The following EPHB1 variants were observed in gnomAD, a reference collection of about 807,000 sequenced individuals.
EPHB1 encodes ephrin type-B receptor 1.
In EPHB1, 30 loss-of-function variants were observed where a neutral mutation model predicts 94.4. The ratio of observed to expected loss-of-function variants is 0.32; its 90% CI spans 0.24 to 0.43. The LOEUF (loss-of-function observed/expected upper bound fraction) is 0.43, where lower values mean the gene tolerates loss of function less well. EPHB1 is among the 20% of genes least tolerant of loss of function. EPHB1 has a pLI of 1.00. For missense variants in EPHB1, 1,055 were observed against 1,308.3 expected, an observed-to-expected ratio of 0.81 and a Z score of 2.99; for synonymous variants, 522 against 489.1, an observed-to-expected ratio of 1.07 and a Z score of -0.89.
intron 7 of EPHB1, 124 bp from the exon 8 acceptor site, chr3:135,165,844 T>G (rs1167985509): frequency 1.6e-6 from 1 of 633,512 alleles, no homozygotes; most frequent in Non-Finnish European, 2.7e-6. Context: ...CTTACAACTC[T>G]GACACATAGA....
chr3:135,071,645 A>G (rs1937714322), intron 3 of EPHB1, among the ~76,000 whole-genome samples: 3 of 152,104 alleles, frequency 2.0e-5, no homozygotes, highest in Non-Finnish European at 4.4e-5. Context: ...ACCTCCCCTT[A>G]GTGCTTTATT....
intron 1 of EPHB1, among the ~76,000 whole-genome samples, chr3:134,892,999 C>A (rs1222868365): frequency 6.6e-6 from 1 of 152,180 alleles, no homozygotes; most frequent in East Asian, 1.9e-4. Context: ...CACATGCTCA[C>A]ACACACGGTA....
At chr3:134,820,716 C>T (rs1399144804) in intron 1 of EPHB1, among the ~76,000 whole-genome samples, 1 of 152,094 alleles carries the variant, frequency 6.6e-6, no homozygotes, top group African/African-American at 2.4e-5. Flanking sequence ...CCACTCGGCC[C>T]CAGGCTGCTT....
intron 3 of EPHB1, among the ~76,000 whole-genome samples, chr3:134,971,311 C>T (rs1429886155): frequency 1.3e-5 from 2 of 152,188 alleles, no homozygotes; most frequent in Non-Finnish European, 2.9e-5. Flanking sequence ...TTCATTCTGA[C>T]CCTACCCTGA....
intron 5 of EPHB1, among the ~76,000 whole-genome samples, chr3:135,148,984 T>C (rs1039769476): frequency 1.3e-5 from 2 of 152,246 alleles, no homozygotes; most frequent in African/African-American, 4.8e-5. Context: ...CTGATGACAC[T>C]CTTCTTTGCT....
chr3:134,812,919 TC>T (rs1412098670), intron 1 of EPHB1, among the ~76,000 whole-genome samples: 3 of 152,240 alleles, frequency 2.0e-5, no homozygotes, highest in Non-Finnish European at 4.4e-5. Flanking sequence ...TAGATATTTG[TC>T]CATTTTTTTT....
intron 10 of EPHB1, among the ~76,000 whole-genome samples, chr3:135,189,008 A>G (rs568475457): frequency 1.1e-3 from 171 of 152,330 alleles, no homozygotes; most frequent in African/African-American, 3.9e-3. Flanking sequence ...GCCCTACCCA[A>G]AGAAGGCATG....
At chr3:135,177,926 C>T (rs1406893383) in intron 9 of EPHB1, among the ~76,000 whole-genome samples, 9 of 152,196 alleles carry the variant, frequency 5.9e-5, no homozygotes, top group Admixed American at 3.9e-4. Flanking sequence ...TTCCTACACA[C>T]GCACATCCCT....
At chr3:135,126,307 G>T (rs1037943686) in intron 4 of EPHB1, among the ~76,000 whole-genome samples, 4 of 152,136 alleles carry the variant, frequency 2.6e-5, no homozygotes, top group Non-Finnish European at 4.4e-5. Flanking sequence ...TAGGAGTCTT[G>T]AGTATCAAGT....
chr3:134,939,482 G>A (rs1042138116), intron 2 of EPHB1, among the ~76,000 whole-genome samples: 1 of 152,206 alleles, frequency 6.6e-6, no homozygotes, highest in African/African-American at 2.4e-5. Context: ...GGGAGCCTTT[G>A]AGTAAATCCC....
rs146763809 is a variant in EPHB1 at position 135,176,882 on chromosome 3, C to T, written c.1760-2978C>T. Among the ~76,000 whole-genome samples the T allele has an allele frequency of 3.6e-3, 542 of 152,290 alleles. 6 individuals are homozygous for T. The highest frequency in any genetic ancestry group is 0.012 in the African/African-American group (512 of 41,548). On this transcript the variant is annotated intron_variant, in intron 9 of 15. Transcript: ENST00000398015. The stretch of plus-strand genomic sequence containing the variant: ...TCCTGTAGGACAGCTTAGCATACAT[C>T]GTTCAAAAGCCTTTGATCTAAAATA...
At chr3:134,876,734 G>A (rs548366341) in intron 1 of EPHB1, among the ~76,000 whole-genome samples, 38 of 152,288 alleles carry the variant, frequency 2.5e-4, no homozygotes, top group African/African-American at 8.7e-4. Context: ...GTTGGGGAGG[G>A]TATGAGCCTC....
chr3:134,827,374 CA>C (rs2036502482), intron 1 of EPHB1, among the ~76,000 whole-genome samples: 1 of 152,066 alleles, frequency 6.6e-6, no homozygotes, highest in African/African-American at 2.4e-5. Context: ...CACACACACA[CA>C]CACACACACA....
chr3:135,130,896 A>G (rs73862018), intron 4 of EPHB1, among the ~76,000 whole-genome samples: 2 of 152,186 alleles, frequency 1.3e-5, no homozygotes, highest in African/African-American at 4.8e-5. Flanking sequence ...GACTAACAAG[A>G]GTTGCGTTGA....
At chr3:134,841,820 T>G (rs531275652) in intron 1 of EPHB1, among the ~76,000 whole-genome samples, 1 of 152,338 alleles carries the variant, frequency 6.6e-6, no homozygotes, top group Admixed American at 6.5e-5. Context: ...GTGTCTGGCA[T>G]AGTCTGGATT....
chr3:135,074,285 G>C, intron 3 of EPHB1, among the ~76,000 whole-genome samples: 1 of 152,172 alleles, frequency 6.6e-6, no homozygotes, highest in Non-Finnish European at 1.5e-5. Flanking sequence ...TGAGCTCATA[G>C]ATTTAAACAT....
In EPHB1 at chr3:134,850,800, C is replaced by T. The variant is rs2036964741; in HGVS notation, c.58+55111C>T. 5.3e-5 allele frequency among the ~76,000 whole-genome samples: 8 copies of T among 152,362 alleles called. No homozygotes were observed. In the South Asian group the frequency reaches 1.7e-3, roughly 32 times the overall value. ...CGCTTCACTCTCCATACCCTGGGAG[C>T]TCTTGTGGCTACTCTGAGGGCACGA... is the stretch of plus-strand genomic sequence containing the variant. On this transcript the variant is annotated intron_variant, in intron 1 of 15. Transcript: ENST00000398015.
intron 12 of EPHB1, among the ~76,000 whole-genome samples, chr3:135,231,139 G>T (rs1018661915): frequency 1.3e-5 from 2 of 152,180 alleles, no homozygotes; most frequent in African/African-American, 4.8e-5. Context: ...CCCTGGCCTG[G>T]CTCAGAGAGG....
rs188778378 is a variant in EPHB1, at chr3:134,940,960, C to G, written c.124-10411C>G. 2.8e-4 allele frequency among the ~76,000 whole-genome samples: 43 copies of G among 152,236 alleles called. 1 individual carries two copies. The Middle Eastern group carries it at 0.024, about 84-fold the overall frequency. On this transcript the variant is annotated intron_variant, in intron 2 of 15. Transcript: ENST00000398015. ...TGAAACAAATCAGAATAGCTGGGAT[C>G]GTATTAGGTCAACAGAGGCCAAAAA...
Sources: allele counts gnomAD v4.1 joint callset (sites outside exome capture counted in the v4.1 genomes callset), GRCh38; gene constraint gnomAD v4.1.1; transcripts MANE v1.5; gene names NCBI Gene and HGNC (gene_info 2026-07-23, HGNC 2026-07-21).